CDH23: variants seen among roughly 807,000 people sequenced by gnomAD.
CDH23 encodes cadherin-23.
A neutral mutation model predicts 317.1 loss-of-function variants in CDH23; 189 were observed. The ratio of observed to expected loss-of-function variants is 0.60; its 90% confidence interval spans 0.53 to 0.67. The LOEUF (loss-of-function observed/expected upper bound fraction) is 0.67, where lower values mean the gene tolerates loss of function less well. Among genes scored for constraint, CDH23 ranks in the 30% least tolerant of loss-of-function variants. The probability of loss-of-function intolerance (pLI) is 0.00; values close to 1 mark genes in which losing one functional copy is unlikely to be tolerated. For synonymous variants in CDH23, 1,839 were observed against 1,876.8 expected, an observed-to-expected ratio of 0.98 and a Z score of 0.52; for missense variants, 4,401 against 4,592.4, an observed-to-expected ratio of 0.96 and a Z score of 1.20.
chr10:71,765,609 T>C (rs1272278086), intron 38 of CDH23, among the ~76,000 whole-genome samples: 1 of 152,096 alleles, frequency 6.6e-6, no homozygotes, highest in African/African-American at 2.4e-5. Context: ...AGGGAAGGGA[T>C]GTTCTCCCCT....
At chr10:71,581,409 C>T (rs1410099721) in intron 9 of CDH23, among the ~76,000 whole-genome samples, 1 of 152,186 alleles carries the variant, frequency 6.6e-6, no homozygotes, top group Non-Finnish European at 1.5e-5. Flanking sequence ...TCTGTCTGCC[C>T]CACGTGGCTG....
At chr10:71,750,271 G>C (rs1290784548) in intron 38 of CDH23, 1 of 152,354 alleles carries the variant, frequency 6.6e-6, no homozygotes. Context: ...AGGAGCAGCA[G>C]AGTGCAGATT....
intron 1 of CDH23, among the ~76,000 whole-genome samples, chr10:71,421,725 C>T (rs1241990475): frequency 6.6e-6 from 1 of 152,070 alleles, no homozygotes; most frequent in East Asian, 1.9e-4. Context: ...AAAAGATATA[C>T]TTGTCCTTAG....
At chr10:71,648,658 G>A (rs1223984789) in intron 14 of CDH23, among the ~76,000 whole-genome samples, 1 of 152,244 alleles carries the variant, frequency 6.6e-6, no homozygotes, top group African/African-American at 2.4e-5. Context: ...CCAGTTTGGG[G>A]CTGGCGCTGG....
chr10:71,405,533 A>G (rs576989122), intron 1 of CDH23, among the ~76,000 whole-genome samples: 2 of 151,218 alleles, frequency 1.3e-5, no homozygotes, highest in Middle Eastern at 6.8e-3. Context: ...CACCTCCCAG[A>G]TTCAAACAAT....
chr10:71,791,764 CG>C (rs1241045170), intron 47 of CDH23, among the ~76,000 whole-genome samples: 4 of 151,942 alleles, frequency 2.6e-5, no homozygotes, highest in Middle Eastern at 6.8e-3. Flanking sequence ...TTAGTAGAGA[CG>C]GGGTTTCACC....
chr10:71,802,284 G>C (rs1158622891), intron 53 of CDH23, among the ~76,000 whole-genome samples: 1 of 152,190 alleles, frequency 6.6e-6, no homozygotes, highest in Admixed American at 6.5e-5. Flanking sequence ...CTCCAGCCTG[G>C]GCAACAAGAG....
chr10:71,549,393 G>T (rs1486395784), intron 6 of CDH23, among the ~76,000 whole-genome samples: 2 of 152,242 alleles, frequency 1.3e-5, no homozygotes, highest in Non-Finnish European at 2.9e-5. Flanking sequence ...CCAGCCTGTG[G>T]GGTTGGAGGG....
chr10:71,700,909 T>G (rs1865558253), intron 22 of CDH23, among the ~76,000 whole-genome samples: 1 of 152,164 alleles, frequency 6.6e-6, no homozygotes, highest in South Asian at 2.1e-4. Flanking sequence ...GAGGGACAGA[T>G]TCTGCTGCCA....
chr10:71,534,691 A>G (rs1855599093), intron 6 of CDH23, among the ~76,000 whole-genome samples: 2 of 152,236 alleles, frequency 1.3e-5, no homozygotes, highest in East Asian at 3.8e-4. Context: ...ACCCCGTGAC[A>G]TTTTAAGGTT....
intron 38 of CDH23, 93 bp from the exon 39 acceptor site, chr10:71,777,587 A>G (rs1840843865): frequency 1.8e-6 from 2 of 1,084,732 alleles, no homozygotes; most frequent in South Asian, 2.8e-5. Context: ...TTTGAGTCAC[A>G]TGGAGTGAGT....
At chr10:71,606,649 A>G (rs1400706796) in intron 9 of CDH23, among the ~76,000 whole-genome samples, 2 of 152,242 alleles carry the variant, frequency 1.3e-5, no homozygotes, top group East Asian at 3.8e-4. Flanking sequence ...GGAGAAACAG[A>G]CAATAAGAAA....
chr10:71,685,543 G>A (rs928775648), intron 18 of CDH23, among the ~76,000 whole-genome samples: 5 of 152,230 alleles, frequency 3.3e-5, no homozygotes, highest in African/African-American at 9.6e-5. Flanking sequence ...GTGGGGGTAA[G>A]AACCCACCTC....
At chr10:71,435,590 C>CAGGT (rs1346753211) in intron 1 of CDH23, among the ~76,000 whole-genome samples, 1 of 152,196 alleles carries the variant, frequency 6.6e-6, no homozygotes. Flanking sequence ...ACCTCTGGAG[C>CAGGT]AGGTCTCTGG....
intron 14 of CDH23, among the ~76,000 whole-genome samples, chr10:71,669,738 G>A (rs1475875984): frequency 2.0e-5 from 3 of 152,146 alleles, no homozygotes; most frequent in Admixed American, 6.5e-5. Context: ...GTGAGCCACC[G>A]TGCCTGGCCT....
At chr10:71,771,214 T>C (rs1268516280) in intron 38 of CDH23, among the ~76,000 whole-genome samples, 1 of 152,172 alleles carries the variant, frequency 6.6e-6, no homozygotes, top group Non-Finnish European at 1.5e-5. Context: ...TGAGATCTGC[T>C]GGGTCCTGGT....
At chr10:71,661,868 C>T (rs1189941081) in intron 14 of CDH23, among the ~76,000 whole-genome samples, 3 of 81,066 alleles carry the variant, frequency 3.7e-5, no homozygotes, top group Non-Finnish European at 7.7e-5. Context: ...CCACCCTGCA[C>T]GTCCCCTCCC....
Position 71,762,033 on chromosome 10 carries a change from A to G in CDH23, c.4846-15647A>G, listed in dbSNP as rs1374356455. On this transcript the variant is annotated intron_variant, in intron 38 of 69. Coordinates refer to ENST00000224721, the MANE Select transcript of CDH23 (RefSeq NM_022124.6). Reference sequence around the variant, plus strand: ...TTGAAGGCTGCCACCGGACCTGCTCAGAGAGAGGAGAGCCCTGTCACCTGA... The same window carrying G: ...TTGAAGGCTGCCACCGGACCTGCTCGGAGAGAGGAGAGCCCTGTCACCTGA... 3 of 1,584,180 alleles carry G rather than the reference A, an allele frequency of 1.9e-6. No individual in the cohort carries two copies. The East Asian group carries it at 6.7e-5, about 36-fold the overall frequency.
rs371670151 is a variant in CDH23, at chr10:71,704,943, C to T, written c.2766C>T (p.Asn922=). 4.0e-5 allele frequency: 65 copies of T among 1,612,794 alleles called. No individual in the cohort carries two copies. Among genetic ancestry groups the T allele is most frequent in the East Asian group, 1.3e-4 (6 of 44,864 alleles). The change falls in exon 25 of 70, where the codon AAC becomes AAT. Residue 922 remains asparagine (N), a synonymous_variant. Transcript: ENST00000224721. ...VVAIDLDEGL[N]GLVSYRMPVG... is the part of the protein sequence containing the mutation. ...CCATCGACCTCGATGAGGGCCTGAA[C>T]GGCCTGGTGTCCTACCGCATGCCGG... is the stretch of plus-strand genomic sequence containing the variant.
Sources: allele counts gnomAD v4.1 joint callset (sites outside exome capture counted in the v4.1 genomes callset), GRCh38; gene constraint gnomAD v4.1.1; transcripts MANE v1.5; gene names NCBI Gene and HGNC (gene_info 2026-07-23, HGNC 2026-07-21).